Variants in AMZ1 observed in about 807,000 individuals in gnomAD.
The protein encoded by AMZ1 is archaelysin family metallopeptidase 1.
In AMZ1, 39 loss-of-function variants were observed where a neutral mutation model predicts 29.9. The observed-to-expected ratio is 1.30, with a 90% CI of 1.01 to 1.70. The LOEUF (loss-of-function observed/expected upper bound fraction) is 1.70, where lower values mean the gene tolerates loss of function less well. Among genes scored for constraint, AMZ1 ranks in the 40% most tolerant of loss-of-function variants. The pLI is 0.00. For missense variants in AMZ1, 1,041 were observed against 680.6 expected, an observed-to-expected ratio of 1.53 and a Z score of -5.89; for synonymous variants, 458 against 304.0, an observed-to-expected ratio of 1.51 and a Z score of -5.27.
At chr7:2,745,371 T>A (rs1377917996) in intron 4 of AMZ1, among the ~76,000 whole-genome samples, 3 of 152,214 alleles carry the variant, frequency 2.0e-5, no homozygotes, top group Non-Finnish European at 4.4e-5. Flanking sequence ...TATTCAACAT[T>A]CTTAAAGAAA....
rs1472432093 is a variant in AMZ1 at position 2,715,647 on chromosome 7, T to C, written c.*2769T>C. 6.6e-6 allele frequency: 1 copy of C among 152,136 alleles called. No homozygotes were observed. The highest frequency in any genetic ancestry group is 1.5e-5 in the Non-Finnish European group (1 of 68,032). 9.4% of individuals were successfully genotyped at this position (152,136 alleles called of 1,614,324 possible). A position where few individuals can be genotyped will look rare whatever the true frequency, so the allele number is the denominator to read the frequency against. ...TCAGTGAAATTTTTTAAGACAGCTG[T>C]TAGAAGGACTGTTTTGAAATGCAAC... On this transcript the variant is annotated 3_prime_UTR_variant, in exon 7 of 7. Coordinates refer to ENST00000683327, the MANE Select transcript of AMZ1 (RefSeq NM_001384743.1).
At chr7:2,726,138 C>A (rs923645907) in intron 4 of AMZ1, among the ~76,000 whole-genome samples, 1 of 152,234 alleles carries the variant, frequency 6.6e-6, no homozygotes, top group Non-Finnish European at 1.5e-5. Context: ...ATGCACCTTA[C>A]AGAGAAATGG....
chr7:2,684,817 G>T (rs1030486912), upstream of AMZ1, among the ~76,000 whole-genome samples: 5 of 152,060 alleles, frequency 3.3e-5, no homozygotes, highest in African/African-American at 1.2e-4. Context: ...CCAGTCTCCC[G>T]GGCTGACCCA....
intron 6 of AMZ1, among the ~76,000 whole-genome samples, chr7:2,710,602 T>C (rs1479502301): frequency 6.6e-6 from 1 of 152,172 alleles, no homozygotes; most frequent in Non-Finnish European, 1.5e-5. Context: ...AGGAGCTGTA[T>C]CTTGCAGGGT....
chr7:2,757,582 G>A (rs767399493), intron 4 of AMZ1, among the ~76,000 whole-genome samples: 2 of 152,176 alleles, frequency 1.3e-5, no homozygotes, highest in East Asian at 1.9e-4. Context: ...GCGAGGTTCC[G>A]AGCAGAGCAC....
intron 4 of AMZ1, among the ~76,000 whole-genome samples, chr7:2,742,555 G>A (rs1024720547): frequency 3.3e-5 from 5 of 152,112 alleles, no homozygotes; most frequent in African/African-American, 1.2e-4. Flanking sequence ...CTCTGTCCTC[G>A]CTTACTTTGG....
rs763200221 is a variant in AMZ1, at chr7:2,713,190, T to G, written c.*312T>G. ...CTAGGAGGTCGAGGCTGCAGTGGGA[T>G]GTGATCATACCACTGTACTGCAGTC... On this transcript the variant is annotated 3_prime_UTR_variant, in exon 7 of 7. Transcript: ENST00000683327. 2.1e-5 allele frequency: 5 copies of G among 242,392 alleles called. No individual in the cohort carries two copies. Among genetic ancestry groups the G allele is most frequent in the Non-Finnish European group, 3.9e-5 (5 of 127,140 alleles). 15.0% of individuals were successfully genotyped at this position (242,392 alleles called of 1,614,324 possible).
At chr7:2,687,858 C>T (rs916022722), upstream of AMZ1, among the ~76,000 whole-genome samples, 2 of 151,984 alleles carry the variant, frequency 1.3e-5, no homozygotes, top group African/African-American at 4.8e-5. Flanking sequence ...CGCTGGTTCA[C>T]CCCTCTCACC....
intron 3 of AMZ1, 141 bp from the exon 4 acceptor site, chr7:2,708,447 C>A (rs781619478): frequency 7.6e-7 from 1 of 1,318,532 alleles, no homozygotes; most frequent in South Asian, 1.4e-5. Flanking sequence ...TCAGGTCACA[C>A]CAAACGCTGG....
chr7:2,705,482 T>C (rs957928236), intron 3 of AMZ1, among the ~76,000 whole-genome samples: 3 of 152,214 alleles, frequency 2.0e-5, no homozygotes, highest in Non-Finnish European at 2.9e-5. Context: ...CATAATCATA[T>C]AGAGGGCGGC....
chr7:2,722,168 G>A (rs1056846845), downstream of AMZ1, among the ~76,000 whole-genome samples: 2 of 152,194 alleles, frequency 1.3e-5, no homozygotes, highest in African/African-American at 2.4e-5. Context: ...TTCAGGACAC[G>A]GTGGCCATGA....
At position 2,718,410 on chromosome 7, in the gene AMZ1, C is replaced by A. The variant is rs993683428; in HGVS notation, c.*5532C>A. Among the ~76,000 whole-genome samples, 1 of 152,216 alleles carries A rather than the reference C, an allele frequency of 6.6e-6. No homozygotes were observed. The highest frequency in any genetic ancestry group is 1.5e-5 in the Non-Finnish European group (1 of 68,036). On this transcript the variant is annotated 3_prime_UTR_variant, in exon 7 of 7. Transcript: ENST00000683327. ...CCAAGACCATCTCCCGTTCAAGGGC[C>A]CTCACCGCGCTTTGTGAGTCTGTCT...
intron 4 of AMZ1, among the ~76,000 whole-genome samples, chr7:2,754,175 A>G (rs1791178948): frequency 6.6e-6 from 1 of 152,182 alleles, no homozygotes; most frequent in South Asian, 2.1e-4. Context: ...ATAGGTGTGT[A>G]GTGCTAGCTC....
At chr7:2,759,829 G>T (rs77925799), upstream of AMZ1, among the ~76,000 whole-genome samples, 3,608 of 152,256 alleles carry the variant, frequency 0.024, 100 homozygotes, top group Middle Eastern at 0.075. Context: ...TTTCTGCAAC[G>T]GGTGCAGATG....
rs1789107601 is a variant in AMZ1, at chr7:2,716,101, G to A, written c.*3223G>A. 6.6e-6 allele frequency: 1 copy of A among 152,222 alleles called. No homozygotes were observed. Among genetic ancestry groups the A allele is most frequent in the East Asian group, 1.9e-4 (1 of 5,200 alleles). The allele number at this position is 152,222 out of a possible 1,614,324, so 9.4% of individuals were successfully genotyped here. On this transcript the variant is annotated 3_prime_UTR_variant, in exon 7 of 7. Transcript: ENST00000683327. ...CTAAAAATAGTTTCAGGTCATGACA[G>A]ATGTTATCTGTATTGCTGTGTGTGC...
In AMZ1 at chr7:2,712,356, G is replaced by T. The variant is rs771675764; in HGVS notation, c.975G>T (p.Val325=). 2 of 1,599,012 alleles carry T rather than the reference G, an allele frequency of 1.3e-6. No homozygotes were observed. The highest frequency in any genetic ancestry group is 1.7e-6 in the Non-Finnish European group (2 of 1,172,322). ...GACTCTACACCTGGACTCAGGCGGT[G>T]GTGGGGACGTGGCCCAGCCAGGAGG... The part of the protein sequence containing the change: ...YQRLYTWTQA[V]VGTWPSQEAG... The change falls in exon 7 of 7, where the codon GTG becomes GTT. Residue 325 remains valine, a synonymous_variant. Coordinates refer to ENST00000683327, the MANE Select transcript of AMZ1 (RefSeq NM_001384743.1).
chr7:2,712,700 G>T lies in AMZ1; in HGVS notation c.1319G>T (p.Trp440Leu), dbSNP rs754018820. ...AGAGCCGTGGACGCCCTCGACCGCTGGGAGATGTTCACGGGCCAGCTCCCG... is the reference window on the plus strand; with the variant it reads ...AGAGCCGTGGACGCCCTCGACCGCTTGGAGATGTTCACGGGCCAGCTCCCG... ...VDRAVDALDR[W>L]EMFTGQLPAT... The change falls in exon 7 of 7, where the codon TGG becomes TTG. Residue 440 changes from tryptophan to leucine, a missense_variant. Transcript: ENST00000683327. The T allele has an allele frequency of 3.1e-6, 5 of 1,611,690 alleles. No individual in the cohort carries two copies. Among genetic ancestry groups the T allele is most frequent in the Non-Finnish European group, 4.2e-6 (5 of 1,179,312 alleles).
intron 4 of AMZ1, 140 bp from the exon 5 acceptor site, chr7:2,708,935 T>G (rs939720574): frequency 6.2e-6 from 8 of 1,284,664 alleles, no homozygotes; most frequent in African/African-American, 3.0e-5. Flanking sequence ...CAACTTCATG[T>G]GGGCAGGACA....
intron 1 of AMZ1, among the ~76,000 whole-genome samples, chr7:2,698,006 A>T (rs1023224924): frequency 2.0e-5 from 3 of 152,246 alleles, no homozygotes; most frequent in African/African-American, 7.2e-5. Flanking sequence ...CCCAAAAGAA[A>T]ATATATAAAT....
Sources: allele counts gnomAD v4.1 joint callset (sites outside exome capture counted in the v4.1 genomes callset), GRCh38; gene constraint gnomAD v4.1.1; transcripts MANE v1.5; gene names NCBI Gene and HGNC (gene_info 2026-07-23, HGNC 2026-07-21).